The following KHDRBS2 variants were observed in gnomAD, a reference collection of about 807,000 sequenced individuals.
KHDRBS2 encodes KH RNA binding domain containing, signal transduction associated 2.
In KHDRBS2, 26 loss-of-function variants were observed where a neutral mutation model predicts 44.3. The ratio of observed to expected loss-of-function variants is 0.59; its 90% CI spans 0.43 to 0.81. The LOEUF (loss-of-function observed/expected upper bound fraction) is 0.81, where lower values mean the gene tolerates loss of function less well. Ranked by LOEUF, KHDRBS2 falls within the 40% of genes least tolerant of loss-of-function variation. The pLI, the probability that KHDRBS2 is intolerant of heterozygous loss-of-function variation, is 0.00. For synonymous variants in KHDRBS2, 194 were observed against 151.1 expected (o/e 1.28, Z -2.08); for missense variants, 476 against 433.1 (o/e 1.10, Z -0.88).
intron 1 of KHDRBS2, among the ~76,000 whole-genome samples, chr6:62,235,554 G>A (rs1052063750): frequency 6.6e-6 from 1 of 151,696 alleles, no homozygotes; most frequent in Non-Finnish European, 1.5e-5. Flanking sequence ...CATTTATCTT[G>A]TGCTTTCTCA....
At chr6:61,597,732 TTATATATATA>T in the KHDRBS2 span, among the ~76,000 whole-genome samples, 22 of 37,424 alleles carry the variant, frequency 5.9e-4, 1 homozygote, top group Admixed American at 2.4e-3. Flanking sequence ...TTTGCACCTT[TTATATATATA>T]TATATATATA....
At chr6:62,162,306 G>T (rs1817820686) in intron 2 of KHDRBS2, among the ~76,000 whole-genome samples, 1 of 151,936 alleles carries the variant, frequency 6.6e-6, no homozygotes, top group African/African-American at 2.4e-5. Context: ...TGTGTGTGTG[G>T]GAATGTGTCA....
intron 2 of KHDRBS2, among the ~76,000 whole-genome samples, chr6:62,067,224 A>G (rs1562775978): frequency 1.3e-5 from 2 of 151,534 alleles, no homozygotes; most frequent in Admixed American, 1.3e-4. Context: ...TTAGAAAACT[A>G]AACAGGAAAT....
intron 2 of KHDRBS2, among the ~76,000 whole-genome samples, chr6:62,082,310 GGTGTGTGTGT>G (rs142069290): frequency 2.7e-5 from 4 of 149,038 alleles, no homozygotes; most frequent in African/African-American, 9.9e-5. Context: ...AATACACACT[GGTGTGTGTGT>G]GTGTGTGTGT....
the KHDRBS2 span, among the ~76,000 whole-genome samples, chr6:61,673,363 C>G: frequency 6.6e-6 from 1 of 151,812 alleles, no homozygotes; most frequent in South Asian, 2.1e-4. Context: ...AAAACTGGCA[C>G]AAGACAGGGA....
chr6:61,757,273 A>G (rs1002025447), intron 6 of KHDRBS2, among the ~76,000 whole-genome samples: 9 of 152,064 alleles, frequency 5.9e-5, no homozygotes, highest in African/African-American at 2.2e-4. Flanking sequence ...AACTCTTACT[A>G]TAGTTTTTGA....
In KHDRBS2 at chr6:61,908,114, G is replaced by A. The variant is rs533751576; in HGVS notation, c.484-6743C>T. ...TATTCATTAAAAAGTAAAAATATGA[G>A]TTCATAAATGGTAATGAGATAATTT... On this transcript the variant is annotated intron_variant, in intron 4 of 8. Coordinates refer to ENST00000281156, the MANE Select transcript of KHDRBS2 (RefSeq NM_152688.4). Among the ~76,000 whole-genome samples the A allele has an allele frequency of 2.6e-5, 4 of 152,038 alleles. No homozygotes were observed. In the South Asian group the frequency reaches 8.3e-4, roughly 32 times the overall value.
At chr6:61,720,444 T>A (rs1754522000) in intron 7 of KHDRBS2, among the ~76,000 whole-genome samples, 1 of 152,094 alleles carries the variant, frequency 6.6e-6, no homozygotes, top group Admixed American at 6.6e-5. Flanking sequence ...CACCTGTTGT[T>A]TCCTGACTTT....
At chr6:61,833,032 C>G (rs1194229254) in intron 6 of KHDRBS2, among the ~76,000 whole-genome samples, 1 of 152,072 alleles carries the variant, frequency 6.6e-6, no homozygotes, top group East Asian at 1.9e-4. Context: ...TGTGCTGATC[C>G]TTACTTATAT....
the KHDRBS2 span, among the ~76,000 whole-genome samples, chr6:61,662,695 A>G: frequency 1.3e-5 from 2 of 152,070 alleles, no homozygotes; most frequent in Admixed American, 6.6e-5. Flanking sequence ...CAAAACCACA[A>G]TGAGGTACCA....
intron 1 of KHDRBS2, among the ~76,000 whole-genome samples, chr6:62,204,873 TAA>T (rs569226960): frequency 2.0e-5 from 3 of 149,460 alleles, no homozygotes; most frequent in Non-Finnish European, 3.0e-5. Flanking sequence ...TGTATTTTGT[TAA>T]AAAAAAAATG....
chr6:61,933,374 A>T (rs1259309523), intron 4 of KHDRBS2, among the ~76,000 whole-genome samples: 2 of 152,140 alleles, frequency 1.3e-5, no homozygotes, highest in Non-Finnish European at 2.9e-5. Flanking sequence ...TATGAGACAC[A>T]TAGCTTGATT....
At chr6:61,919,868 C>G (rs1807724228) in intron 4 of KHDRBS2, among the ~76,000 whole-genome samples, 1 of 151,832 alleles carries the variant, frequency 6.6e-6, no homozygotes, top group African/African-American at 2.4e-5. Context: ...ACATGGTACT[C>G]TTAACACTAA....
At chr6:61,660,162 T>C in the KHDRBS2 span, among the ~76,000 whole-genome samples, 6 of 151,964 alleles carry the variant, frequency 3.9e-5, no homozygotes, top group Non-Finnish European at 7.4e-5. Context: ...TTATACACAG[T>C]GTAGTTCGTA....
intron 1 of KHDRBS2, among the ~76,000 whole-genome samples, chr6:62,219,590 A>C (rs1057174727): frequency 2.0e-5 from 3 of 151,524 alleles, no homozygotes; most frequent in African/African-American, 7.2e-5. Flanking sequence ...AAAATTCACT[A>C]TAGAAAACAT....
chr6:61,984,570 T>C (rs1774660092), intron 3 of KHDRBS2, among the ~76,000 whole-genome samples: 1 of 152,074 alleles, frequency 6.6e-6, no homozygotes, highest in Non-Finnish European at 1.5e-5. Flanking sequence ...AGGGAGGCTC[T>C]GGACTTAGTC....
chr6:61,806,949 CA>C (rs1242693994), intron 6 of KHDRBS2, among the ~76,000 whole-genome samples: 2 of 151,954 alleles, frequency 1.3e-5, no homozygotes, highest in Non-Finnish European at 1.5e-5. Flanking sequence ...TATGTCAAAT[CA>C]TTTTTTTTAG....
chr6:61,662,407 T>C, the KHDRBS2 span, among the ~76,000 whole-genome samples: 5 of 151,198 alleles, frequency 3.3e-5, no homozygotes, highest in South Asian at 2.1e-4. Context: ...TGGGATCTAA[T>C]TAAACTAAAG....
chr6:61,990,891 G>A (rs1776010778), intron 3 of KHDRBS2, among the ~76,000 whole-genome samples: 1 of 151,970 alleles, frequency 6.6e-6, no homozygotes, highest in African/African-American at 2.4e-5. Context: ...TTGTATTTTA[G>A]TACAGACAGG....
Sources: gnomAD v4.1 joint callset for allele counts (sites outside exome capture counted in the v4.1 genomes callset) on GRCh38, gnomAD v4.1.1 for gene constraint, MANE v1.5 for transcripts, NCBI Gene and HGNC (gene_info 2026-07-23, HGNC 2026-07-21) for gene names.